The following KANSL1 variants were observed in gnomAD, a reference collection of about 807,000 sequenced individuals.
KANSL1 encodes the protein MLL1/MLL complex subunit KANSL1.
A neutral mutation model predicts 103.6 loss-of-function variants in KANSL1; 22 were observed. That is an observed-to-expected ratio of 0.21 (90% CI 0.15 to 0.30). The LOEUF (loss-of-function observed/expected upper bound fraction) is 0.30, where lower values mean the gene tolerates loss of function less well. Among genes scored for constraint, KANSL1 ranks in the 10% least tolerant of loss-of-function variants. The probability of loss-of-function intolerance (pLI) is 1.00; values close to 1 mark genes in which losing one functional copy is unlikely to be tolerated. For synonymous variants in KANSL1, 600 were observed against 527.6 expected, an observed-to-expected ratio of 1.14 and a Z score of -1.88; for missense variants, 1,337 against 1,399.8, an observed-to-expected ratio of 0.96 and a Z score of 0.72.
chr17:46,201,198 C>T (rs1567799336), intron 1 of KANSL1, among the ~76,000 whole-genome samples: 1 of 152,206 alleles, frequency 6.6e-6, no homozygotes, highest in Admixed American at 6.5e-5. Flanking sequence ...AGGCGTGAGC[C>T]ACCACGCCCA....
chr17:46,096,311 C>CTTTTCTTTTTTTT (rs2042068578), intron 2 of KANSL1, among the ~76,000 whole-genome samples: 1 of 76,408 alleles, frequency 1.3e-5, no homozygotes, highest in Non-Finnish European at 2.5e-5. Context: ...GCTTTTTTTT[C>CTTTTCTTTTTTTT]TTTTTTTTTT....
chr17:46,152,588 G>C (rs2045176825), intron 2 of KANSL1, among the ~76,000 whole-genome samples: 2 of 144,238 alleles, frequency 1.4e-5, no homozygotes, highest in South Asian at 2.4e-4. Context: ...ACAAAGGGGG[G>C]GGGGGGATTT....
Position 46,187,097 on chromosome 17 carries a change from C to T in KANSL1, c.-90+5726G>A, listed in dbSNP as rs144862133. Among the ~76,000 whole-genome samples, 25 of 152,236 alleles carry T rather than the reference C, an allele frequency of 1.6e-4. 1 individual carries two copies. The East Asian group carries it at 4.6e-3, about 28-fold the overall frequency. Reference sequence around the variant, plus strand: ...ACCAGAAACTAGCTACAGTACTTAGCTTTGAGCCTCTTTCCCTTCACACCC... The same window carrying T: ...ACCAGAAACTAGCTACAGTACTTAGTTTTGAGCCTCTTTCCCTTCACACCC... On this transcript the variant is annotated intron_variant, in intron 1 of 14. Transcript: ENST00000432791.
At chr17:46,084,697 T>TAAAAAAAAAAAA (rs67108405) in intron 3 of KANSL1, among the ~76,000 whole-genome samples, 5 of 74,488 alleles carry the variant, frequency 6.7e-5, no homozygotes, top group Admixed American at 1.7e-4. Flanking sequence ...TTTTAAAAAT[T>TAAAAAAAAAAAA]AAAAAAAAAA....
At chr17:46,088,437 T>C (rs17660132) in intron 3 of KANSL1, 21,656 of 152,020 alleles carry the variant, frequency 0.14, 2,124 homozygotes, top group Non-Finnish European at 0.22. Context: ...AACAGCTTTA[T>C]GAAAATTTTG....
intron 2 of KANSL1, among the ~76,000 whole-genome samples, chr17:46,105,487 G>A (rs1598629319): frequency 2.6e-5 from 4 of 151,976 alleles, no homozygotes; most frequent in African/African-American, 9.7e-5. Flanking sequence ...AATGTGGTGG[G>A]TGCCTGTAAT....
At chr17:46,181,362 T>TGC (rs2046781934) in intron 1 of KANSL1, among the ~76,000 whole-genome samples, 1 of 152,186 alleles carries the variant, frequency 6.6e-6, no homozygotes, top group Non-Finnish European at 1.5e-5. Flanking sequence ...TCCTGACTAG[T>TGC]GCCTCAGTGC....
chr17:46,112,156 C>A (rs1213652225), intron 2 of KANSL1, among the ~76,000 whole-genome samples: 1 of 152,068 alleles, frequency 6.6e-6, no homozygotes, highest in Non-Finnish European at 1.5e-5. Flanking sequence ...TGCCTGAGGT[C>A]AGGAGTTCAA....
chr17:46,142,709 T>C (rs2044488021), intron 2 of KANSL1, among the ~76,000 whole-genome samples: 1 of 152,254 alleles, frequency 6.6e-6, no homozygotes, highest in African/African-American at 2.4e-5. Context: ...TATTTTTTAT[T>C]TATCAGTTTA....
intron 7 of KANSL1, among the ~76,000 whole-genome samples, chr17:46,047,490 T>G (rs2077552945): frequency 6.6e-6 from 1 of 152,104 alleles, no homozygotes; most frequent in Admixed American, 6.5e-5. Context: ...ATATGGCCCT[T>G]GAAGAAAAAG....
intron 11 of KANSL1, among the ~76,000 whole-genome samples, chr17:46,033,901 G>T (rs1055298033): frequency 6.6e-6 from 1 of 152,228 alleles, no homozygotes; most frequent in Non-Finnish European, 1.5e-5. Context: ...AAAACATACT[G>T]TATGTGTTGA....
intron 1 of KANSL1, among the ~76,000 whole-genome samples, chr17:46,180,613 G>A (rs1447139410): frequency 6.6e-6 from 1 of 152,202 alleles, no homozygotes; most frequent in African/African-American, 2.4e-5. Flanking sequence ...TTGAACCCAG[G>A]AGGCAGAGGC....
chr17:46,090,364 C>G (rs2079335797), intron 3 of KANSL1, among the ~76,000 whole-genome samples: 1 of 152,212 alleles, frequency 6.6e-6, no homozygotes, highest in African/African-American at 2.4e-5. Flanking sequence ...TTTGTTATGA[C>G]AGTCTAGGAA....
chr17:46,125,053 AGGG>A (rs2043469802), intron 2 of KANSL1, among the ~76,000 whole-genome samples: 1 of 50,260 alleles, frequency 2.0e-5, no homozygotes, highest in African/African-American at 9.2e-5. Flanking sequence ...GGGAGGAGGG[AGGG>A]AGGAGGGAGG....
At chr17:46,199,350 A>C (rs1050546546) in intron 1 of KANSL1, among the ~76,000 whole-genome samples, 15 of 152,256 alleles carry the variant, frequency 9.9e-5, no homozygotes, top group Non-Finnish European at 4.4e-5. Flanking sequence ...CAGTGTCACA[A>C]GTATAAAGAT....
At position 46,158,722 on chromosome 17, in the gene KANSL1, G is replaced by A. The variant is rs550965605; in HGVS notation, c.1289+12133C>T. On this transcript the variant is annotated intron_variant, in intron 2 of 14. Coordinates refer to ENST00000432791, the MANE Select transcript of KANSL1 (RefSeq NM_015443.4). ...CACCCGGTTCATTTTTGTATTTTTAGTAGAGACGAGGTTTCACCATGTTGG... is the reference window on the plus strand; with the variant it reads ...CACCCGGTTCATTTTTGTATTTTTAATAGAGACGAGGTTTCACCATGTTGG... Among the ~76,000 whole-genome samples the A allele has an allele frequency of 6.0e-4, 91 of 152,082 alleles. No individual in the cohort carries two copies. In the Middle Eastern group the frequency reaches 0.01, roughly 17 times the overall value.
At chr17:46,053,793 G>T (rs1276314474) in intron 6 of KANSL1, among the ~76,000 whole-genome samples, 1 of 152,090 alleles carries the variant, frequency 6.6e-6, no homozygotes, top group Non-Finnish European at 1.5e-5. Context: ...AAGAAAACTT[G>T]AATTCATACC....
intron 7 of KANSL1, chr17:46,050,091 A>C: frequency 1.3e-5 from 2 of 155,024 alleles, no homozygotes; most frequent in Non-Finnish European, 2.9e-5. Context: ...AATTTTTTAT[A>C]TTTAGTAGAG....
At chr17:46,126,047 C>T (rs76380490) in intron 2 of KANSL1, among the ~76,000 whole-genome samples, 21,675 of 151,980 alleles carry the variant, frequency 0.14, 2,121 homozygotes, top group Non-Finnish European at 0.22. Flanking sequence ...AATTCAAACT[C>T]AGGTCTGACT....
Sources: allele counts gnomAD v4.1 joint callset (sites outside exome capture counted in the v4.1 genomes callset), GRCh38; gene constraint gnomAD v4.1.1; transcripts MANE v1.5; gene names NCBI Gene and HGNC (gene_info 2026-07-23, HGNC 2026-07-21).